The following APCDD1L variants were observed in gnomAD, a reference collection of about 807,000 sequenced individuals.
APCDD1L encodes APC down-regulated 1 like.
APCDD1L carries 21 observed loss-of-function variants against 24.2 expected under a neutral mutation model. The observed-to-expected ratio is 0.87, with a 90% CI of 0.61 to 1.25. The LOEUF (loss-of-function observed/expected upper bound fraction) is 1.25. Among genes scored for constraint, APCDD1L ranks in the 50% most tolerant of loss-of-function variants. The probability of loss-of-function intolerance (pLI) is 0.00; values close to 1 mark genes in which losing one functional copy is unlikely to be tolerated. For missense variants in APCDD1L, 704 were observed against 711.7 expected, an observed-to-expected ratio of 0.99 and a Z score of 0.12; for synonymous variants, 321 against 323.6, an observed-to-expected ratio of 0.99 and a Z score of 0.09.
At chr20:58,501,475 C>T (rs1187496344) in intron 1 of APCDD1L, among the ~76,000 whole-genome samples, 2 of 152,208 alleles carry the variant, frequency 1.3e-5, no homozygotes, top group African/African-American at 4.8e-5. Flanking sequence ...AAGACGGCCA[C>T]CTACAAGCCA....
intron 1 of APCDD1L, among the ~76,000 whole-genome samples, chr20:58,492,674 A>G (rs547661669): frequency 6.6e-6 from 1 of 152,396 alleles, no homozygotes; most frequent in East Asian, 1.9e-4. Context: ...TTTTCTGTGA[A>G]TCACAATCAG....
chr20:58,470,599 G>T lies in APCDD1L; in HGVS notation c.188+10C>A. 3 of 1,584,662 alleles carry T rather than the reference G, an allele frequency of 1.9e-6. No homozygotes were observed. The highest frequency in any genetic ancestry group is 2.6e-6 in the Non-Finnish European group (3 of 1,165,226). ...CAGGGGTCCATGGTCAGGATGACCT[G>T]AAGTCTTACCCTGTGGAGATCCAAG... On this transcript the variant is annotated intron_variant, in intron 2 of 3. Transcript: ENST00000371149.
At chr20:58,510,609 G>C (rs1479738531) in intron 1 of APCDD1L, among the ~76,000 whole-genome samples, 2 of 152,308 alleles carry the variant, frequency 1.3e-5, no homozygotes, top group South Asian at 4.1e-4. Flanking sequence ...TGGGATTAAA[G>C]GCGTGAGCCA....
chr20:58,466,761 C>A (rs1020355310), intron 3 of APCDD1L, among the ~76,000 whole-genome samples: 10 of 152,098 alleles, frequency 6.6e-5, no homozygotes, highest in African/African-American at 2.4e-4. Flanking sequence ...ATATTTCAGC[C>A]GAGAACTAAG....
rs1232853268 is a variant in APCDD1L, at chr20:58,473,363, G to T, written c.50-2616C>A. ...ATCTTGTTTTTCTGTGAGGAACTGG[G>T]ATTTAATTATGTTGGGAGACTCTGA... On this transcript the variant is annotated intron_variant, in intron 1 of 3. Transcript: ENST00000371149. Among the ~76,000 whole-genome samples, 6 of 152,122 alleles carry T rather than the reference G, an allele frequency of 3.9e-5. No individual in the cohort carries two copies. The East Asian group carries it at 1.2e-3, about 29-fold the overall frequency.
chr20:58,490,778 T>A (rs941519003), intron 1 of APCDD1L, among the ~76,000 whole-genome samples: 1 of 152,206 alleles, frequency 6.6e-6, no homozygotes, highest in African/African-American at 2.4e-5. Context: ...AAAGCACTCT[T>A]GCAAGACAGA....
At chr20:58,468,717 G>A (rs1378510315) in intron 2 of APCDD1L, among the ~76,000 whole-genome samples, 1 of 152,082 alleles carries the variant, frequency 6.6e-6, no homozygotes, top group Non-Finnish European at 1.5e-5. Context: ...ACAGGCATGT[G>A]CCACCATGCC....
At position 58,483,872 on chromosome 20, in the gene APCDD1L, A is replaced by G. The variant is rs377346319; in HGVS notation, c.50-13125T>C. On this transcript the variant is annotated intron_variant, in intron 1 of 3. Transcript: ENST00000371149. ...TGCAGCTCCTCAGCCTGGAACATGG[A>G]TGATAATGGGCTGGAGAAGCCGGCC... 9.9e-5 allele frequency among the ~76,000 whole-genome samples: 15 copies of G among 152,130 alleles called. No homozygotes were observed. In the East Asian group the frequency reaches 2.3e-3, roughly 23 times the overall value.
At chr20:58,492,864 G>A (rs1252575699) in intron 1 of APCDD1L, among the ~76,000 whole-genome samples, 34 of 144,702 alleles carry the variant, frequency 2.3e-4, no homozygotes, top group Admixed American at 2.2e-3. Flanking sequence ...GCACACACAT[G>A]CACTCACACA....
chr20:58,488,407 AATTAGAGTATGAAC>A (rs1157636443), intron 1 of APCDD1L, among the ~76,000 whole-genome samples: 1 of 152,170 alleles, frequency 6.6e-6, no homozygotes, highest in African/African-American at 2.4e-5. Flanking sequence ...TGTGTCCAAA[AATTAGAGTATGAAC>A]ATTCTTTTCA....
chr20:58,486,339 G>A (rs1375011770), intron 1 of APCDD1L, among the ~76,000 whole-genome samples: 1 of 152,190 alleles, frequency 6.6e-6, no homozygotes, highest in Non-Finnish European at 1.5e-5. Context: ...TTAGTGGCTG[G>A]TTCAGGGAGC....
At chr20:58,464,468 G>A (rs1348302420) in intron 3 of APCDD1L, among the ~76,000 whole-genome samples, 1 of 152,200 alleles carries the variant, frequency 6.6e-6, no homozygotes, top group African/African-American at 2.4e-5. Flanking sequence ...TTCTGCAGAG[G>A]TCTGAAGTCT....
At chr20:58,493,571 A>T (rs1426594353) in intron 1 of APCDD1L, among the ~76,000 whole-genome samples, 1 of 152,246 alleles carries the variant, frequency 6.6e-6, no homozygotes, top group African/African-American at 2.4e-5. Context: ...CACCTTAGAA[A>T]CATAATATCG....
chr20:58,465,652 A>G (rs1989691883), intron 3 of APCDD1L, among the ~76,000 whole-genome samples: 2 of 152,202 alleles, frequency 1.3e-5, no homozygotes, highest in Non-Finnish European at 1.5e-5. Context: ...TTCACCTCGA[A>G]TGCTAACCTC....
At chr20:58,500,755 T>C (rs2123184822) in intron 1 of APCDD1L, among the ~76,000 whole-genome samples, 1 of 152,254 alleles carries the variant, frequency 6.6e-6, no homozygotes, top group South Asian at 2.1e-4. Context: ...GCCACACCTT[T>C]GACTACCCCC....
chr20:58,511,361 T>G (rs1004393956), intron 1 of APCDD1L, among the ~76,000 whole-genome samples: 14 of 152,384 alleles, frequency 9.2e-5, no homozygotes, highest in Admixed American at 7.2e-4. Flanking sequence ...TTTTCCAGGC[T>G]GGTTTTGGCA....
At chr20:58,483,080 T>C (rs1292803819) in intron 1 of APCDD1L, among the ~76,000 whole-genome samples, 1 of 152,140 alleles carries the variant, frequency 6.6e-6, no homozygotes, top group Non-Finnish European at 1.5e-5. Flanking sequence ...ATGTGTGCCT[T>C]GAGGTCTTGC....
intron 1 of APCDD1L, among the ~76,000 whole-genome samples, chr20:58,483,544 T>G (rs1382821309): frequency 6.6e-6 from 1 of 152,134 alleles, no homozygotes; most frequent in African/African-American, 2.4e-5. Context: ...CACAGAGGGA[T>G]AGATTATTTT....
intron 2 of APCDD1L, 54 bp downstream of exon 2, chr20:58,470,555 A>G (rs1989790240): frequency 7.9e-6 from 12 of 1,519,772 alleles, no homozygotes; most frequent in Non-Finnish European, 2.7e-6. Context: ...CGAGTCCCAG[A>G]GGCAGAAGTC....
Sources: gnomAD v4.1 joint callset for allele counts (sites outside exome capture counted in the v4.1 genomes callset) on GRCh38, gnomAD v4.1.1 for gene constraint, MANE v1.5 for transcripts, NCBI Gene and HGNC (gene_info 2026-07-23, HGNC 2026-07-21) for gene names.